KCNIP4: variants seen among roughly 807,000 people sequenced by gnomAD.
KCNIP4 encodes the protein Kv channel-interacting protein 4.
KCNIP4 carries 12 observed loss-of-function variants against 34.0 expected under a neutral mutation model. The observed-to-expected ratio is 0.35, with a 90% CI of 0.23 to 0.57. The LOEUF is 0.57. Among genes scored for constraint, KCNIP4 ranks in the 20% least tolerant of loss-of-function variants. The pLI is 0.83. For synonymous variants in KCNIP4, 124 were observed against 102.2 expected (o/e 1.21, Z -1.29); for missense variants, 238 against 311.7 (o/e 0.76, Z 1.78).
At chr4:21,817,241 G>A (rs1012046000) in intron 1 of KCNIP4, among the ~76,000 whole-genome samples, 1 of 152,122 alleles carries the variant, frequency 6.6e-6, no homozygotes, top group East Asian at 1.9e-4. Flanking sequence ...AAGTTTTGAA[G>A]ATTTCATTTT....
At chr4:20,956,242 G>A (rs1047488018) in intron 1 of KCNIP4, among the ~76,000 whole-genome samples, 1 of 152,162 alleles carries the variant, frequency 6.6e-6, no homozygotes, top group Non-Finnish European at 1.5e-5. Flanking sequence ...AATGCATAAT[G>A]TTTTTTAAAC....
intron 1 of KCNIP4, among the ~76,000 whole-genome samples, chr4:21,452,872 T>C (rs1019725139): frequency 1.5e-5 from 2 of 133,822 alleles, no homozygotes; most frequent in African/African-American, 5.8e-5. Flanking sequence ...GGGTAAAGGC[T>C]GTATGCCTTA....
chr4:21,342,839 A>G (rs1056621619), intron 1 of KCNIP4, among the ~76,000 whole-genome samples: 1 of 151,990 alleles, frequency 6.6e-6, no homozygotes, highest in African/African-American at 2.4e-5. Context: ...TCCTCCCTAA[A>G]TGTCAATACT....
At chr4:21,318,138 G>A (rs1187373217) in intron 1 of KCNIP4, among the ~76,000 whole-genome samples, 4 of 152,064 alleles carry the variant, frequency 2.6e-5, no homozygotes, top group African/African-American at 9.7e-5. Context: ...GATGATCACT[G>A]ATTTACTTCT....
Position 20,744,764 on chromosome 4 carries a change from T to C in KCNIP4, c.429+4898A>G, listed in dbSNP as rs531079831. Among the ~76,000 whole-genome samples the C allele has an allele frequency of 6.0e-5, 9 of 150,538 alleles. No homozygotes were observed. In the South Asian group the frequency reaches 1.9e-3, roughly 32 times the overall value. ...CACATGTACCCTAGAACTTAAAGAATAATAATAATAAAAATATAAAATAAA... is the reference window on the plus strand; with the variant it reads ...CACATGTACCCTAGAACTTAAAGAACAATAATAATAAAAATATAAAATAAA... On this transcript the variant is annotated intron_variant, in intron 5 of 8. Coordinates refer to ENST00000382152, the MANE Select transcript of KCNIP4 (RefSeq NM_025221.6).
At position 21,225,032 on chromosome 4, in the gene KCNIP4, G is replaced by C. The variant is rs577730918; in HGVS notation, c.62-342323C>G. On this transcript the variant is annotated intron_variant, in intron 1 of 8. Coordinates refer to ENST00000382152, the MANE Select transcript of KCNIP4 (RefSeq NM_025221.6). ...CTTGCTCTAGTGTGGGCTACTGTAA[G>C]TGTTCTGAGCATGTTTAAGGTAGGC... Among the ~76,000 whole-genome samples the C allele has an allele frequency of 6.6e-5, 10 of 152,304 alleles. 1 individual carries two copies. Among genetic ancestry groups the C allele is most frequent in the Admixed American group, 6.5e-4 (10 of 15,290 alleles).
chr4:20,967,192 G>T (rs1343649150), intron 1 of KCNIP4, among the ~76,000 whole-genome samples: 1 of 151,978 alleles, frequency 6.6e-6, no homozygotes, highest in Non-Finnish European at 1.5e-5. Flanking sequence ...CATGATTATT[G>T]GTCTTAAACT....
intron 1 of KCNIP4, among the ~76,000 whole-genome samples, chr4:20,995,041 T>G (rs1469341766): frequency 6.6e-6 from 1 of 152,206 alleles, no homozygotes; most frequent in Non-Finnish European, 1.5e-5. Flanking sequence ...TTATTCATGA[T>G]TTTCCTGGAG....
At chr4:20,928,090 T>A (rs1219498256) in intron 1 of KCNIP4, among the ~76,000 whole-genome samples, 1 of 152,072 alleles carries the variant, frequency 6.6e-6, no homozygotes, top group Non-Finnish European at 1.5e-5. Flanking sequence ...GGCATAAAAA[T>A]GTTCAAATAA....
At chr4:20,874,141 A>T (rs1165175151) in intron 2 of KCNIP4, among the ~76,000 whole-genome samples, 3 of 152,204 alleles carry the variant, frequency 2.0e-5, no homozygotes, top group Non-Finnish European at 4.4e-5. Flanking sequence ...CCTTTGAGCA[A>T]ACTTACAGAT....
At chr4:21,290,816 A>G (rs1763402066) in intron 1 of KCNIP4, among the ~76,000 whole-genome samples, 1 of 152,142 alleles carries the variant, frequency 6.6e-6, no homozygotes, top group Non-Finnish European at 1.5e-5. Flanking sequence ...TCAGGAAGGG[A>G]AGTTCATGAC....
intron 1 of KCNIP4, among the ~76,000 whole-genome samples, chr4:21,261,981 A>G (rs777865333): frequency 1.8e-4 from 28 of 151,562 alleles, no homozygotes; most frequent in Admixed American, 1.2e-3. Flanking sequence ...ATCAATACAA[A>G]CTCCTTTAGA....
chr4:20,866,686 G>A (rs1032923273), intron 2 of KCNIP4, among the ~76,000 whole-genome samples: 3 of 151,968 alleles, frequency 2.0e-5, no homozygotes, highest in African/African-American at 4.8e-5. Context: ...AGAAATAAAA[G>A]GCATTTAAAT....
intron 1 of KCNIP4, among the ~76,000 whole-genome samples, chr4:21,085,573 A>C (rs1746352476): frequency 6.6e-6 from 1 of 152,174 alleles, no homozygotes; most frequent in South Asian, 2.1e-4. Context: ...CACCCTGGTG[A>C]CACCAAGCCA....
At chr4:21,746,335 A>T (rs1716773332) in intron 1 of KCNIP4, among the ~76,000 whole-genome samples, 1 of 152,186 alleles carries the variant, frequency 6.6e-6, no homozygotes, top group South Asian at 2.1e-4. Context: ...AGGCACATAA[A>T]AATATTACAT....
At chr4:21,277,458 A>G (rs1160079681) in intron 1 of KCNIP4, among the ~76,000 whole-genome samples, 1 of 152,226 alleles carries the variant, frequency 6.6e-6, no homozygotes. Flanking sequence ...AAAGGGTCAC[A>G]TAAATGGAAC....
intron 5 of KCNIP4, among the ~76,000 whole-genome samples, chr4:20,735,687 C>T (rs1749460388): frequency 1.3e-5 from 2 of 152,120 alleles, no homozygotes; most frequent in East Asian, 1.9e-4. Flanking sequence ...CAGGCACCCG[C>T]CACCATGCCT....
At chr4:21,283,821 A>C (rs1348921716) in intron 1 of KCNIP4, among the ~76,000 whole-genome samples, 2 of 151,926 alleles carry the variant, frequency 1.3e-5, no homozygotes, top group Non-Finnish European at 2.9e-5. Flanking sequence ...ATAAATAAAT[A>C]AATCATGCTA....
At chr4:21,697,707 G>A in intron 1 of KCNIP4, 1 of 1,223,288 alleles carries the variant, frequency 8.2e-7, no homozygotes, top group Non-Finnish European at 1.0e-6. Context: ...GCAACAGACA[G>A]GCTGCCGGTT....
Sources: allele counts gnomAD v4.1 joint callset (sites outside exome capture counted in the v4.1 genomes callset), GRCh38; gene constraint gnomAD v4.1.1; transcripts MANE v1.5; gene names NCBI Gene and HGNC (gene_info 2026-07-23, HGNC 2026-07-21).